The following LPAR6 variants were observed in gnomAD, a reference collection of about 807,000 sequenced individuals.
LPAR6 encodes G-protein coupled purinergic receptor P2Y5.
LPAR6 carries 17 observed loss-of-function variants against 22.0 expected under a neutral mutation model. The observed-to-expected ratio is 0.77, with a 90% CI of 0.53 to 1.16. The LOEUF (loss-of-function observed/expected upper bound fraction) is 1.16, where lower values mean the gene tolerates loss of function less well. Ranked by LOEUF, LPAR6 falls within the 50% of genes most tolerant of loss-of-function variation. The pLI, the probability that LPAR6 is intolerant of heterozygous loss-of-function variation, is 0.00. For missense variants in LPAR6, 384 were observed against 406.9 expected (o/e 0.94, Z 0.48); for synonymous variants, 136 against 139.8 (o/e 0.97, Z 0.19).
upstream of LPAR6, among the ~76,000 whole-genome samples, chr13:48,430,763 AAC>A (rs1455952109): frequency 6.2e-5 from 2 of 32,440 alleles, no homozygotes; most frequent in Non-Finnish European, 3.9e-4. Flanking sequence ...CAAACAAACA[AAC>A]AAAAAAAAAA....
upstream of LPAR6, among the ~76,000 whole-genome samples, chr13:48,428,712 T>C (rs1423016219): frequency 6.6e-6 from 1 of 152,228 alleles, no homozygotes; most frequent in Non-Finnish European, 1.5e-5. Flanking sequence ...CATCCTTCAT[T>C]TTTAGCTTCA....
intron 1 of LPAR6, among the ~76,000 whole-genome samples, chr13:48,436,560 T>C (rs1352623026): frequency 6.6e-6 from 1 of 152,018 alleles, no homozygotes; most frequent in Non-Finnish European, 1.5e-5. Flanking sequence ...GGAGAATCGC[T>C]TGAACCCGGG....
upstream of LPAR6, among the ~76,000 whole-genome samples, chr13:48,413,748 C>T (rs1948858838): frequency 6.6e-6 from 1 of 152,146 alleles, no homozygotes; most frequent in South Asian, 2.1e-4. Flanking sequence ...TTACTCATTT[C>T]TCCAAAAGAA....
intron 1 of LPAR6, among the ~76,000 whole-genome samples, chr13:48,432,268 C>T (rs190559246): frequency 9.9e-5 from 15 of 152,224 alleles, no homozygotes; most frequent in Admixed American, 7.9e-4. Flanking sequence ...TTCCAGCTCA[C>T]CTCCCAGAAA....
intron 1 of LPAR6, among the ~76,000 whole-genome samples, chr13:48,441,221 A>G (rs946020297): frequency 6.6e-6 from 1 of 152,214 alleles, no homozygotes; most frequent in African/African-American, 2.4e-5. Context: ...CCATGTCCTC[A>G]GATGGTGGAA....
chr13:48,406,157 T>C (rs1948737928), downstream of LPAR6, among the ~76,000 whole-genome samples: 1 of 152,094 alleles, frequency 6.6e-6, no homozygotes, highest in African/African-American at 2.4e-5. Context: ...AATTGTGTCT[T>C]GAGGATCAAT....
At position 48,435,576 on chromosome 13, in the gene LPAR6, A is replaced by T. The variant is rs117454225; in HGVS notation, c.-1474+8977T>A. On this transcript the variant is annotated intron_variant, in intron 1 of 6. Transcript: ENST00000378434. ...ATCCAAAAGTTTTTAATTTTCATAA[A>T]GTCCAGTTTATCACTTTTTCCTTTT... is the stretch of plus-strand genomic sequence containing the variant. Among the ~76,000 whole-genome samples, 845 of 152,276 alleles carry T rather than the reference A, an allele frequency of 5.5e-3. 5 individuals are homozygous for T. The highest frequency in any genetic ancestry group is 0.01 in the Middle Eastern group (3 of 294).
At chr13:48,443,350 T>C (rs1459555391) in intron 1 of LPAR6, among the ~76,000 whole-genome samples, 1 of 152,090 alleles carries the variant, frequency 6.6e-6, no homozygotes, top group East Asian at 1.9e-4. Context: ...AGCTTCTCTA[T>C]TCATTTGCTT....
chr13:48,417,434 C>G (rs1272816410), upstream of LPAR6: 1 of 152,186 alleles, frequency 6.6e-6, no homozygotes, highest in Non-Finnish European at 1.5e-5. Flanking sequence ...TCACCAACAT[C>G]GAAGACCAAA....
In LPAR6 at chr13:48,412,415, G is replaced by T. The variant is rs369056064; in HGVS notation, c.9C>A (p.Ser3Arg). The T allele has an allele frequency of 1.2e-6, 2 of 1,612,778 alleles. No individual in the cohort carries two copies. The change falls in exon 1 of 1, where the codon AGC becomes AGA. Residue 3 changes from serine (S) to arginine (R), a missense_variant. Transcript: ENST00000620633. MV[S>R]VNSSHCFYND... ...TATAGAAGCAGTGGGAGCTGTTAAC[G>T]CTTACCATCGTAAAGGCACGTCCAA... is the stretch of plus-strand genomic sequence containing the variant.
At chr13:48,400,695 A>G (rs1333249183) in intron 1 of LPAR6, among the ~76,000 whole-genome samples, 1 of 152,126 alleles carries the variant, frequency 6.6e-6, no homozygotes, top group Admixed American at 6.6e-5. Context: ...TGAACAAATT[A>G]TGTCTCTGTA....
downstream of LPAR6, among the ~76,000 whole-genome samples, chr13:48,406,196 G>T (rs1948738237): frequency 1.3e-5 from 2 of 151,570 alleles, no homozygotes; most frequent in African/African-American, 4.9e-5. Flanking sequence ...TGGGTCAAAG[G>T]GTTAATGTGT....
At chr13:48,442,137 T>C (rs922661355) in intron 1 of LPAR6, among the ~76,000 whole-genome samples, 13 of 152,230 alleles carry the variant, frequency 8.5e-5, no homozygotes, top group African/African-American at 3.1e-4. Flanking sequence ...CTATTCCTCT[T>C]TTAATGTCTG....
intron 1 of LPAR6, among the ~76,000 whole-genome samples, chr13:48,425,850 T>C (rs1402760848): frequency 6.6e-6 from 1 of 152,228 alleles, no homozygotes; most frequent in Non-Finnish European, 1.5e-5. Context: ...AGAAAGAACA[T>C]ATATTATTGT....
chr13:48,392,155 G>GGCTGGA (rs548726022), intron 1 of LPAR6, among the ~76,000 whole-genome samples: 171 of 151,858 alleles, frequency 1.1e-3, no homozygotes, highest in African/African-American at 3.9e-3. Context: ...CTTTTGCCCA[G>GGCTGGA]GCTGGAGTGC....
At chr13:48,423,977 A>C (rs888937778) in intron 1 of LPAR6, 3 of 152,658 alleles carry the variant, frequency 2.0e-5, no homozygotes, top group Non-Finnish European at 4.4e-5. Context: ...TTTAAAAAGA[A>C]TTATTCTAAA....
At chr13:48,437,588 G>T (rs768468326) in intron 1 of LPAR6, among the ~76,000 whole-genome samples, 1 of 152,148 alleles carries the variant, frequency 6.6e-6, no homozygotes, top group Non-Finnish European at 1.5e-5. Context: ...AAGTTCACTC[G>T]TGTGGTTGTT....
chr13:48,416,826 T>A (rs1399435950), upstream of LPAR6, among the ~76,000 whole-genome samples: 3 of 152,028 alleles, frequency 2.0e-5, no homozygotes, highest in Non-Finnish European at 4.4e-5. Flanking sequence ...CCGGGAAGTT[T>A]GAACTGGGTG....
At chr13:48,395,808 A>G (rs1376435645) in intron 1 of LPAR6, among the ~76,000 whole-genome samples, 1 of 152,186 alleles carries the variant, frequency 6.6e-6, no homozygotes, top group African/African-American at 2.4e-5. Context: ...AAAACACTCT[A>G]CAGGATATTA....
Sources: allele counts gnomAD v4.1 joint callset (sites outside exome capture counted in the v4.1 genomes callset), GRCh38; gene constraint gnomAD v4.1.1; transcripts MANE v1.5; gene names NCBI Gene and HGNC (gene_info 2026-07-23, HGNC 2026-07-21).